The following STAU2 variants were observed in gnomAD, a reference collection of about 807,000 sequenced individuals.
STAU2 encodes double-stranded RNA-binding protein Staufen homolog 2.
Under a neutral mutation model 65.9 loss-of-function variants are expected in STAU2, and 20 were observed. That is an observed-to-expected ratio of 0.30 (90% CI 0.21 to 0.44). The LOEUF (loss-of-function observed/expected upper bound fraction) is 0.44, where lower values mean the gene tolerates loss of function less well. Among genes scored for constraint, STAU2 ranks in the 20% least tolerant of loss-of-function variants. STAU2 has a pLI of 1.00. For synonymous variants in STAU2, 232 were observed against 233.9 expected (o/e 0.99, Z 0.07); for missense variants, 558 against 683.9 (o/e 0.82, Z 2.05).
At chr8:73,718,352 A>G (rs1457370208) in intron 3 of STAU2, among the ~76,000 whole-genome samples, 2 of 152,212 alleles carry the variant, frequency 1.3e-5, no homozygotes, top group South Asian at 4.1e-4. Context: ...GCACTTAAAC[A>G]TTACACTTTA....
chr8:73,503,830 T>C (rs1046239523), intron 13 of STAU2, among the ~76,000 whole-genome samples: 16 of 152,198 alleles, frequency 1.1e-4, no homozygotes, highest in African/African-American at 1.2e-4. Flanking sequence ...TCTGGCTTTG[T>C]AGGACACCAC....
At chr8:73,468,600 A>G (rs1819795543) in intron 13 of STAU2, among the ~76,000 whole-genome samples, 1 of 152,218 alleles carries the variant, frequency 6.6e-6, no homozygotes, top group Admixed American at 6.5e-5. Flanking sequence ...AACTCAAACA[A>G]ATTTACAAGA....
At chr8:73,679,867 T>G (rs1818281973) in intron 5 of STAU2, among the ~76,000 whole-genome samples, 2 of 146,838 alleles carry the variant, frequency 1.4e-5, no homozygotes, top group Non-Finnish European at 3.0e-5. Context: ...CCAACCTGGG[T>G]GACAGACTGA....
intron 3 of STAU2, among the ~76,000 whole-genome samples, chr8:73,724,068 T>A (rs1001426454): frequency 1.3e-5 from 2 of 152,226 alleles, no homozygotes; most frequent in African/African-American, 2.4e-5. Context: ...TCTGCCAGAC[T>A]CCACATCTCA....
chr8:73,740,867 A>G (rs1043725910), intron 1 of STAU2, among the ~76,000 whole-genome samples: 3 of 151,982 alleles, frequency 2.0e-5, no homozygotes, highest in African/African-American at 7.3e-5. Flanking sequence ...TGGGCATAGT[A>G]ACACATGCCT....
chr8:73,733,635 T>C (rs1214988928), intron 3 of STAU2, among the ~76,000 whole-genome samples: 1 of 152,166 alleles, frequency 6.6e-6, no homozygotes, highest in African/African-American at 2.4e-5. Context: ...ATCCAAAGAA[T>C]GTTATTTACA....
intron 13 of STAU2, among the ~76,000 whole-genome samples, chr8:73,423,978 G>T (rs1434183304): frequency 6.6e-6 from 1 of 152,036 alleles, no homozygotes; most frequent in Admixed American, 6.5e-5. Flanking sequence ...ATGCCTAATG[G>T]CATTTATCCA....
Position 73,422,713 on chromosome 8 carries a change from A to G in STAU2, c.1531-11T>C. On this transcript the variant is annotated splice_polypyrimidine_tract_variant and intron_variant, in intron 13 of 14. Coordinates refer to ENST00000524300, the MANE Select transcript of STAU2 (RefSeq NM_001164380.2). ...GGCACTTAAGGCTGCCTAAAAATGA[A>G]AACAAACAGAGAGAGCCATTCACTG... 5.4e-6 allele frequency: 3 copies of G among 559,972 alleles called. No individual in the cohort carries two copies. In the South Asian group the frequency reaches 7.6e-5, roughly 14 times the overall value. 34.7% of individuals were successfully genotyped at this position (559,972 alleles called of 1,614,324 possible).
At chr8:73,660,886 A>T (rs1480475271) in intron 6 of STAU2, among the ~76,000 whole-genome samples, 6 of 152,248 alleles carry the variant, frequency 3.9e-5, no homozygotes, top group African/African-American at 1.4e-4. Flanking sequence ...AAATAATAAC[A>T]GAATCACAGC....
At chr8:73,503,358 G>T (rs950632962) in intron 13 of STAU2, among the ~76,000 whole-genome samples, 1 of 152,074 alleles carries the variant, frequency 6.6e-6, no homozygotes, top group East Asian at 1.9e-4. Flanking sequence ...TAATAGCAGG[G>T]CTCATTTCCT....
chr8:73,622,049 C>CG (rs1563463946), intron 6 of STAU2, among the ~76,000 whole-genome samples: 1 of 149,970 alleles, frequency 6.7e-6, no homozygotes, highest in Non-Finnish European at 1.5e-5. Flanking sequence ...CTCCGCCTCC[C>CG]GGGTTCTCGC....
intron 4 of STAU2, among the ~76,000 whole-genome samples, chr8:73,689,739 C>CA (rs991474021): frequency 1.3e-5 from 2 of 151,930 alleles, no homozygotes; most frequent in Non-Finnish European, 2.9e-5. Context: ...TTACTTATTA[C>CA]AAAAAAATAT....
In STAU2 at chr8:73,595,331, C is replaced by A. The variant is rs77032629; in HGVS notation, c.1030-34G>T. The A allele has an allele frequency of 5.5e-3, 8,546 of 1,541,002 alleles. 339 individuals are homozygous for A. In the African/African-American group the frequency reaches 0.094, roughly 17 times the overall value. On this transcript the variant is annotated intron_variant, in intron 10 of 14. Coordinates refer to ENST00000524300, the MANE Select transcript of STAU2 (RefSeq NM_001164380.2). ...ATTAAAGAAATAAATTAAAGAAATA[C>A]ATTTATGATAAATTTAAACAGGAAG...
At chr8:73,625,905 T>C (rs183709520) in intron 6 of STAU2, among the ~76,000 whole-genome samples, 3 of 152,242 alleles carry the variant, frequency 2.0e-5, no homozygotes, top group African/African-American at 7.2e-5. Flanking sequence ...CTCTAGGATG[T>C]TACTGACCTG....
At chr8:73,733,455 G>A (rs1451338963) in intron 3 of STAU2, among the ~76,000 whole-genome samples, 5 of 152,144 alleles carry the variant, frequency 3.3e-5, no homozygotes, top group African/African-American at 4.8e-5. Context: ...TCCTTTTCCC[G>A]GGGGACCTAT....
chr8:73,665,096 GGTTTATGAGA>G (rs1817133939), intron 6 of STAU2, among the ~76,000 whole-genome samples: 1 of 151,878 alleles, frequency 6.6e-6, no homozygotes, highest in Non-Finnish European at 1.5e-5. Context: ...TTTCTTCTCT[GGTTTATGAGA>G]GTTTTAAAAA....
intron 6 of STAU2, among the ~76,000 whole-genome samples, chr8:73,634,699 C>G (rs1293400546): frequency 1.3e-5 from 2 of 152,314 alleles, no homozygotes; most frequent in East Asian, 3.9e-4. Flanking sequence ...AGTCTCCTTT[C>G]TGCTCCTCAA....
At chr8:73,593,235 G>A (rs1005192357) in intron 11 of STAU2, among the ~76,000 whole-genome samples, 3 of 152,138 alleles carry the variant, frequency 2.0e-5, no homozygotes, top group Non-Finnish European at 2.9e-5. Flanking sequence ...TCAAATCCAT[G>A]CTCCCCATTA....
intron 2 of STAU2, among the ~76,000 whole-genome samples, chr8:73,739,167 A>C (rs531895465): frequency 7.0e-6 from 1 of 143,006 alleles, no homozygotes; most frequent in Non-Finnish European, 1.5e-5. Flanking sequence ...CAGGAGGCAG[A>C]GGTTGCAGTG....
Sources: allele counts gnomAD v4.1 joint callset (sites outside exome capture counted in the v4.1 genomes callset), GRCh38; gene constraint gnomAD v4.1.1; transcripts MANE v1.5; gene names NCBI Gene and HGNC (gene_info 2026-07-23, HGNC 2026-07-21).